ACTR5: variants seen among roughly 807,000 people sequenced by gnomAD.
ACTR5 encodes actin-related protein 5.
A neutral mutation model predicts 61.2 loss-of-function variants in ACTR5; 43 were observed. That is an observed-to-expected ratio of 0.70 (90% CI 0.55 to 0.91). The LOEUF is 0.91. Ranked by LOEUF, ACTR5 falls within the 40% of genes least tolerant of loss-of-function variation. The pLI is 0.00. For missense variants in ACTR5, 798 were observed against 782.2 expected (o/e 1.02, Z -0.24); for synonymous variants, 333 against 310.5 (o/e 1.07, Z -0.76).
At chr20:38,750,696 T>G (rs1451118417) in intron 2 of ACTR5, among the ~76,000 whole-genome samples, 1 of 152,120 alleles carries the variant, frequency 6.6e-6, no homozygotes, top group Non-Finnish European at 1.5e-5. Context: ...CAGTGGGATC[T>G]TGGCTCAGGG....
At chr20:38,769,640 C>T (rs891567078) in intron 8 of ACTR5, among the ~76,000 whole-genome samples, 3 of 151,990 alleles carry the variant, frequency 2.0e-5, no homozygotes, top group Admixed American at 6.6e-5. Context: ...GAAAAGGTGG[C>T]CACAGCTAGC....
rs767630986 is a variant in ACTR5, at chr20:38,750,166, A to G, written c.532A>G (p.Asn178Asp). The G allele has an allele frequency of 6.2e-7, 1 of 1,614,214 alleles. No homozygotes were observed. The highest frequency in any genetic ancestry group is 1.1e-5 in the South Asian group (1 of 91,090). ...LFSFYHNKPK[N>D]SMCSGLIISS... is the part of the protein sequence containing the mutation. The stretch of plus-strand genomic sequence containing the variant: ...CAGCTTCTACCACAATAAGCCAAAG[A>G]ACTCGATGTGCAGTGGGCTAATCAT... Residue 178 changes from asparagine to aspartate, a missense_variant, in exon 2 of 9, where the codon AAC becomes GAC. By Grantham distance (23) the Asn-to-Asp change is conservative. Coordinates refer to ENST00000243903, the MANE Select transcript of ACTR5 (RefSeq NM_024855.4).
At chr20:38,755,338 G>A (rs923368645) in intron 4 of ACTR5, among the ~76,000 whole-genome samples, 164 bp downstream of exon 4, 3 of 152,198 alleles carry the variant, frequency 2.0e-5, no homozygotes, top group African/African-American at 7.2e-5. Context: ...CAGTGTAGAA[G>A]CAGCTGTTTC....
In ACTR5 at chr20:38,748,586, C is replaced by T. The variant is rs1278693059; in HGVS notation, c.108C>T (p.Asp36=). The T allele has an allele frequency of 6.6e-7, 1 of 1,523,540 alleles. No homozygotes were observed. The highest frequency in any genetic ancestry group is 8.8e-7 in the Non-Finnish European group (1 of 1,138,032). The allele number at this position is 1,523,540 out of a possible 1,614,324, so 94.4% of individuals were successfully genotyped here. The change falls in exon 1 of 9, where the codon GAC becomes GAT. Residue 36 remains aspartate, a synonymous_variant. Transcript: ENST00000243903. ...CACTGCCGGTACCGCTGGTGCTGGA[C>T]AACGGGTCGTTCCAAGTCCGCGCTG... ...HGPLPVPLVL[D]NGSFQVRAGW... is the part of the protein sequence containing the mutation.
chr20:38,751,781 A>G (rs2084388455), intron 2 of ACTR5, among the ~76,000 whole-genome samples: 2 of 152,182 alleles, frequency 1.3e-5, no homozygotes, highest in Non-Finnish European at 2.9e-5. Flanking sequence ...GCCCCACCCC[A>G]GAGCAGCTGT....
intron 2 of ACTR5, among the ~76,000 whole-genome samples, 200 bp downstream of exon 2, chr20:38,750,439 G>A (rs62202464): frequency 0.17 from 25,913 of 152,080 alleles, 2,156 homozygotes; most frequent in Admixed American, 0.19. Context: ...CCTTCTGGAG[G>A]GAGTTGGGGT....
At chr20:38,755,649 G>T (rs1331516712) in intron 4 of ACTR5, among the ~76,000 whole-genome samples, 1 of 151,572 alleles carries the variant, frequency 6.6e-6, no homozygotes, top group African/African-American at 2.4e-5. Flanking sequence ...ACCATCATTA[G>T]TTTTACCTAA....
chr20:38,750,295 T>C, intron 2 of ACTR5, 56 bp downstream of exon 2: 1 of 1,464,942 alleles, frequency 6.8e-7, no homozygotes, highest in African/African-American at 1.4e-5. Flanking sequence ...AGGAAACATT[T>C]ATTTACTGCG....
intron 1 of ACTR5, 144 bp from the exon 2 acceptor site, chr20:38,749,866 G>C: frequency 1.6e-6 from 1 of 638,494 alleles, no homozygotes; most frequent in Admixed American, 3.0e-5. Flanking sequence ...GATGAGATGG[G>C]AGTTTTATAA....
chr20:38,765,547 TA>T (rs757916197), intron 6 of ACTR5, 29 bp downstream of exon 6: 4 of 1,576,186 alleles, frequency 2.5e-6, no homozygotes, highest in Non-Finnish European at 3.5e-6. Flanking sequence ...AGAACATGCT[TA>T]TTCTTTGAAG....
chr20:38,770,803 T>C (rs979550636), intron 8 of ACTR5, among the ~76,000 whole-genome samples: 4 of 152,210 alleles, frequency 2.6e-5, no homozygotes, highest in African/African-American at 7.2e-5. Flanking sequence ...GCCTGCACTT[T>C]CCCACCTCCA....
chr20:38,754,967 A>G lies in ACTR5; in HGVS notation c.786A>G (p.Lys262=), dbSNP rs768668556. Residue 262 remains lysine (K), a synonymous_variant, in exon 4 of 9, where the codon AAA becomes AAG. Coordinates refer to ENST00000243903, the MANE Select transcript of ACTR5 (RefSeq NM_024855.4). ...IAEDYVEELH[K]WRCPDYYENN... ...ATTGTTTCTTTGAAGAATTACACAA[A>G]TGGCGGTGTCCTGATTATTATGAGA... The G allele has an allele frequency of 6.2e-7, 1 of 1,613,670 alleles. No individual in the cohort carries two copies. The highest frequency in any genetic ancestry group is 1.7e-5 in the Admixed American group (1 of 59,864).
In ACTR5 at chr20:38,755,081, G is replaced by A; in HGVS notation, c.900G>A (p.Gln300=). The A allele has an allele frequency of 1.2e-6, 2 of 1,614,262 alleles. No homozygotes were observed. The highest frequency in any genetic ancestry group is 1.7e-6 in the Non-Finnish European group (2 of 1,180,044). ...TSEEKQERRQ[Q]QLRRLQELNA... is the part of the protein sequence containing the mutation. ...AGGAGAAACAAGAAAGGCGGCAGCA[G>A]CAATTGCGGCGGCTGCAGGAGCTCA... is the stretch of plus-strand genomic sequence containing the variant. The change falls in exon 4 of 9, where the codon CAG becomes CAA. Residue 300 remains glutamine (Q), a synonymous_variant. Coordinates refer to ENST00000243903, the MANE Select transcript of ACTR5 (RefSeq NM_024855.4).
chr20:38,768,733 A>T (rs183976931), intron 8 of ACTR5, among the ~76,000 whole-genome samples: 67 of 152,038 alleles, frequency 4.4e-4, no homozygotes, highest in African/African-American at 1.3e-3. Context: ...GGTGGTAGGA[A>T]CCCTCCCAAT....
intron 3 of ACTR5, among the ~76,000 whole-genome samples, chr20:38,754,034 C>T (rs1311985286): frequency 1.3e-5 from 2 of 152,106 alleles, no homozygotes; most frequent in Non-Finnish European, 2.9e-5. Flanking sequence ...GAAATGTTAG[C>T]AATGTACAGA....
intron 1 of ACTR5, among the ~76,000 whole-genome samples, chr20:38,749,096 G>A (rs1303471790): frequency 6.6e-6 from 1 of 152,220 alleles, no homozygotes; most frequent in East Asian, 1.9e-4. Context: ...AATACGTATT[G>A]AGCACTTACT....
At position 38,771,775 on chromosome 20, in the gene ACTR5, G is replaced by T. The variant is rs1294480671; in HGVS notation, c.1783G>T (p.Gly595Cys). Residue 595 changes from glycine to cysteine, a missense_variant, in exon 9 of 9, where the codon GGC (glycine) becomes TGC (cysteine). Transcript: ENST00000243903. ...CTCAGATGCCCAGGCATCCAGCAAG[G>T]GCTCCGCTGCTGGTGGAGGTGGTGC... The part of the protein sequence containing the change: ...RSSDAQASSK[G>C]SAAGGGGAGE... The T allele has an allele frequency of 1.2e-6, 2 of 1,613,744 alleles. No homozygotes were observed. Among genetic ancestry groups the T allele is most frequent in the Non-Finnish European group, 1.7e-6 (2 of 1,179,966 alleles).
At chr20:38,766,454 T>A in intron 7 of ACTR5, 77 bp downstream of exon 7, 2 of 1,492,978 alleles carry the variant, frequency 1.3e-6, no homozygotes, top group Non-Finnish European at 1.8e-6. Context: ...GTAGATTTGA[T>A]GGTCAGGCAC....
intron 1 of ACTR5, 72 bp from the exon 2 acceptor site, chr20:38,749,938 T>G (rs1421825731): frequency 7.4e-7 from 1 of 1,357,698 alleles, no homozygotes; most frequent in African/African-American, 1.4e-5. Context: ...CAATAAGGAT[T>G]TTGGGTTCTT....
Sources: allele counts gnomAD v4.1 joint callset (sites outside exome capture counted in the v4.1 genomes callset), GRCh38; gene constraint gnomAD v4.1.1; transcripts MANE v1.5; gene names NCBI Gene and HGNC (gene_info 2026-07-23, HGNC 2026-07-21).